Variants in CELF4 observed in about 807,000 individuals in gnomAD.
CELF4 encodes the protein CUG-BP- and ETR-3-like factor 4.
A neutral mutation model predicts 59.9 loss-of-function variants in CELF4; 18 were observed. That is an observed-to-expected ratio of 0.30 (90% CI 0.21 to 0.45). CELF4 has a LOEUF of 0.45. Ranked by LOEUF, CELF4 falls within the 20% of genes least tolerant of loss-of-function variation. The pLI, the probability that CELF4 is intolerant of heterozygous loss-of-function variation, is 1.00. For synonymous variants in CELF4, 261 were observed against 267.1 expected (o/e 0.98, Z 0.22); for missense variants, 456 against 689.0 (o/e 0.66, Z 3.79).
intron 2 of CELF4, among the ~76,000 whole-genome samples, chr18:37,405,706 G>A (rs1380953275): frequency 2.6e-5 from 4 of 152,210 alleles, no homozygotes; most frequent in Non-Finnish European, 4.4e-5. Context: ...TGTTCTTCCC[G>A]CTAAAAGCAG....
intron 2 of CELF4, among the ~76,000 whole-genome samples, chr18:37,410,892 C>T (rs2099444508): frequency 6.6e-6 from 1 of 152,190 alleles, no homozygotes; most frequent in Non-Finnish European, 1.5e-5. Flanking sequence ...GCACTGCTCC[C>T]TTGATCCTGG....
rs139275971 is a variant in CELF4 at position 37,328,290 on chromosome 18, C to T, written c.370-6409G>A. ...GAAATCTGCAAGAGCAGGTTCTCAG[C>T]AAAGGTCAGCCTGCACTGGAAGGTG... On this transcript the variant is annotated intron_variant, in intron 2 of 12. Transcript: ENST00000420428. 3.2e-3 allele frequency among the ~76,000 whole-genome samples: 493 copies of T among 152,338 alleles called. 1 individual carries two copies. Among genetic ancestry groups the T allele is most frequent in the Non-Finnish European group, 4.1e-3 (277 of 68,036 alleles).
At chr18:37,553,409 T>C (rs1324613473) in intron 1 of CELF4, among the ~76,000 whole-genome samples, 1 of 152,126 alleles carries the variant, frequency 6.6e-6, no homozygotes, top group Non-Finnish European at 1.5e-5. Context: ...TGTGTGCGTC[T>C]TGTGGGGGCA....
intron 2 of CELF4, among the ~76,000 whole-genome samples, chr18:37,394,777 C>T (rs1484666677): frequency 1.3e-5 from 2 of 152,156 alleles, no homozygotes; most frequent in Non-Finnish European, 2.9e-5. Flanking sequence ...ATGCAAGTGT[C>T]AGCCACCCAC....
intron 2 of CELF4, among the ~76,000 whole-genome samples, chr18:37,409,581 G>A (rs892555184): frequency 6.6e-6 from 1 of 152,136 alleles, no homozygotes; most frequent in Non-Finnish European, 1.5e-5. Flanking sequence ...CCCTGTTGTC[G>A]AGGTCCAGAA....
At chr18:37,303,856 GAC>G (rs1327712742) in intron 3 of CELF4, among the ~76,000 whole-genome samples, 1 of 152,146 alleles carries the variant, frequency 6.6e-6, no homozygotes, top group East Asian at 1.9e-4. Context: ...TCTGTTTCCA[GAC>G]ACTGTCATTC....
intron 11 of CELF4, among the ~76,000 whole-genome samples, chr18:37,258,170 A>G (rs1232657138): frequency 6.6e-6 from 1 of 152,118 alleles, no homozygotes; most frequent in Non-Finnish European, 1.5e-5. Flanking sequence ...ATCTAACACC[A>G]TGCCCTGAGC....
At chr18:37,539,319 G>A (rs2099975962) in intron 1 of CELF4, among the ~76,000 whole-genome samples, 2 of 152,148 alleles carry the variant, frequency 1.3e-5, no homozygotes, top group Admixed American at 1.3e-4. Flanking sequence ...ACTTGCCTAA[G>A]GTCACCCAGT....
chr18:37,428,812 C>T (rs2099630284), intron 2 of CELF4, among the ~76,000 whole-genome samples: 1 of 152,164 alleles, frequency 6.6e-6, no homozygotes, highest in Non-Finnish European at 1.5e-5. Flanking sequence ...ATCCCTCCAG[C>T]CCACACCCCG....
At chr18:37,314,376 A>T (rs1241712485) in intron 3 of CELF4, among the ~76,000 whole-genome samples, 1 of 152,096 alleles carries the variant, frequency 6.6e-6, no homozygotes, top group East Asian at 1.9e-4. Flanking sequence ...GATCGCTTAA[A>T]CCTGGGAGGT....
chr18:37,417,477 A>C lies in CELF4; in HGVS notation c.369+68048T>G, dbSNP rs113856886. Among the ~76,000 whole-genome samples the C allele has an allele frequency of 5.2e-3, 789 of 152,322 alleles. 9 individuals are homozygous for C. The highest frequency in any genetic ancestry group is 0.018 in the African/African-American group (761 of 41,574). On this transcript the variant is annotated intron_variant, in intron 2 of 12. Transcript: ENST00000420428. ...TCAAGATCCTTCCCCACATCTTCTCAGGACTCTGCCCAGCAGAATACAGCA... is the reference window on the plus strand; with the variant it reads ...TCAAGATCCTTCCCCACATCTTCTCCGGACTCTGCCCAGCAGAATACAGCA...
chr18:37,401,441 G>A (rs1165100160), intron 2 of CELF4, among the ~76,000 whole-genome samples: 1 of 152,214 alleles, frequency 6.6e-6, no homozygotes, highest in Non-Finnish European at 1.5e-5. Context: ...ACTCAGGAAA[G>A]TGCCTTTCAG....
chr18:37,459,375 TC>T (rs776956247), intron 2 of CELF4, among the ~76,000 whole-genome samples: 3 of 152,152 alleles, frequency 2.0e-5, no homozygotes, highest in Non-Finnish European at 4.4e-5. Context: ...AACTCTCTCA[TC>T]TCTTTTGCTC....
chr18:37,266,702 C>T, intron 8 of CELF4, 104 bp from the exon 9 acceptor site: 2 of 1,041,542 alleles, frequency 1.9e-6, no homozygotes, highest in Non-Finnish European at 2.8e-6. Context: ...TTTCTGGCTA[C>T]TGCAGGCTGT....
chr18:37,353,750 G>A (rs372988696), intron 2 of CELF4, among the ~76,000 whole-genome samples: 51 of 139,406 alleles, frequency 3.7e-4, no homozygotes, highest in African/African-American at 1.1e-3. Context: ...TGGTGGGGGC[G>A]GGGGGGGCAG....
At chr18:37,546,203 C>T (rs1354971406) in intron 1 of CELF4, among the ~76,000 whole-genome samples, 1 of 152,148 alleles carries the variant, frequency 6.6e-6, no homozygotes, top group Non-Finnish European at 1.5e-5. Flanking sequence ...AAAATTGGCC[C>T]ACCCGAGCCC....
intron 4 of CELF4, 60 bp from the exon 5 acceptor site, chr18:37,274,944 G>A (rs2092789172): frequency 1.1e-5 from 17 of 1,576,322 alleles, no homozygotes; most frequent in Non-Finnish European, 1.5e-5. Context: ...GGGGCCGGGA[G>A]GAGAGGGCGC....
At chr18:37,531,628 C>G (rs1010047252) in intron 1 of CELF4, among the ~76,000 whole-genome samples, 1 of 152,042 alleles carries the variant, frequency 6.6e-6, no homozygotes, top group Non-Finnish European at 1.5e-5. Flanking sequence ...AAGTAAAGGA[C>G]TTGAGAGTGG....
At chr18:37,295,646 G>C (rs2095595037) in intron 3 of CELF4, among the ~76,000 whole-genome samples, 1 of 152,182 alleles carries the variant, frequency 6.6e-6, no homozygotes. Context: ...GGAAATGGAG[G>C]CACATAAAGA....
Sources: gnomAD v4.1 joint callset for allele counts (sites outside exome capture counted in the v4.1 genomes callset) on GRCh38, gnomAD v4.1.1 for gene constraint, MANE v1.5 for transcripts, NCBI Gene and HGNC (gene_info 2026-07-23, HGNC 2026-07-21) for gene names.